Variants in SLC9A9 observed in about 807,000 individuals in gnomAD.
The protein encoded by SLC9A9 is solute carrier family 9 member A9.
SLC9A9 carries 62 observed loss-of-function variants against 77.8 expected under a neutral mutation model. The observed-to-expected ratio is 0.80, with a 90% CI of 0.65 to 0.98. SLC9A9 has a LOEUF of 0.98. Ranked by LOEUF, SLC9A9 falls within the 50% of genes least tolerant of loss-of-function variation. The pLI is 0.00. For missense variants in SLC9A9, 775 were observed against 774.9 expected (o/e 1.00, Z 0.00); for synonymous variants, 320 against 283.5 (o/e 1.13, Z -1.29).
At chr3:143,704,866 C>A (rs1271288804) in intron 4 of SLC9A9, among the ~76,000 whole-genome samples, 3 of 152,018 alleles carry the variant, frequency 2.0e-5, no homozygotes, top group African/African-American at 7.2e-5. Flanking sequence ...GTGGTACATG[C>A]CTGTAATCCC....
intron 9 of SLC9A9, among the ~76,000 whole-genome samples, chr3:143,538,223 A>G (rs2036626359): frequency 6.6e-6 from 1 of 152,220 alleles, no homozygotes; most frequent in South Asian, 2.1e-4. Context: ...AAATCAGACT[A>G]TATTTTTTCC....
At chr3:143,817,082 T>G (rs1170378039) in intron 2 of SLC9A9, among the ~76,000 whole-genome samples, 1 of 152,152 alleles carries the variant, frequency 6.6e-6, no homozygotes, top group East Asian at 1.9e-4. Context: ...CTTAAGCTTT[T>G]AGACTTTGAC....
chr3:143,321,185 T>C (rs1259262532), intron 14 of SLC9A9, among the ~76,000 whole-genome samples: 1 of 152,180 alleles, frequency 6.6e-6, no homozygotes, highest in Non-Finnish European at 1.5e-5. Context: ...CCTAGGAAAC[T>C]AATGCCTGAA....
chr3:143,519,444 T>G lies in SLC9A9; in HGVS notation c.1090-23996A>C, dbSNP rs572198219. Among the ~76,000 whole-genome samples the G allele has an allele frequency of 8.7e-4, 132 of 152,212 alleles. 1 individual carries two copies. The highest frequency in any genetic ancestry group is 3.1e-3 in the African/African-American group (127 of 41,528). Reference sequence around the variant, plus strand: ...AGAAAGGTTGGAGCAAGAAGTAGAATGGAAGAAGAGGAGATAAGTGTGGGA... The same window carrying G: ...AGAAAGGTTGGAGCAAGAAGTAGAAGGGAAGAAGAGGAGATAAGTGTGGGA... On this transcript the variant is annotated intron_variant, in intron 9 of 15. Coordinates refer to ENST00000316549, the MANE Select transcript of SLC9A9 (RefSeq NM_173653.4).
rs1032594363 is a variant in SLC9A9, at chr3:143,660,558, A to G, written c.650-8198T>C. Among the ~76,000 whole-genome samples the G allele has an allele frequency of 3.3e-5, 5 of 152,280 alleles. 1 individual carries two copies. The South Asian group carries it at 1.0e-3, about 32-fold the overall frequency. ...CTGATCTAAGAACCCAATTGAACCAACCTGGACTTCTGACCTATGGAACTG... is the reference window on the plus strand; with the variant it reads ...CTGATCTAAGAACCCAATTGAACCAGCCTGGACTTCTGACCTATGGAACTG... On this transcript the variant is annotated intron_variant, in intron 5 of 15. Transcript: ENST00000316549.
At chr3:143,344,399 CTG>C (rs1393972507) in intron 14 of SLC9A9, 3 of 152,134 alleles carry the variant, frequency 2.0e-5, no homozygotes, top group African/African-American at 7.2e-5. Flanking sequence ...CATTCCAACT[CTG>C]TATTACTCTC....
chr3:143,503,872 A>G, intron 9 of SLC9A9: 1 of 356,966 alleles, frequency 2.8e-6, no homozygotes, highest in Non-Finnish European at 5.5e-6. Context: ...CATGATTTAC[A>G]TCCATCATGA....
chr3:143,493,850 C>T (rs2035790581), intron 10 of SLC9A9, 86 bp from the exon 11 acceptor site: 1 of 996,362 alleles, frequency 1.0e-6, no homozygotes, highest in Non-Finnish European at 1.6e-6. Flanking sequence ...TGTCCTCAAG[C>T]TTCTCTTCAT....
intron 2 of SLC9A9, among the ~76,000 whole-genome samples, chr3:143,820,155 G>C (rs2009129828): frequency 2.0e-5 from 3 of 152,210 alleles, no homozygotes; most frequent in Admixed American, 2.0e-4. Flanking sequence ...GCATAGGATG[G>C]TTAATTATCT....
At chr3:143,530,995 CACA>C (rs1193136106) in intron 9 of SLC9A9, among the ~76,000 whole-genome samples, 1 of 152,176 alleles carries the variant, frequency 6.6e-6, no homozygotes, top group African/African-American at 2.4e-5. Flanking sequence ...TCAGAAAAAA[CACA>C]ACAAAATAAC....
At chr3:143,288,296 A>C (rs1426018083) in intron 14 of SLC9A9, among the ~76,000 whole-genome samples, 1 of 152,050 alleles carries the variant, frequency 6.6e-6, no homozygotes, top group Non-Finnish European at 1.5e-5. Flanking sequence ...AGAACATATC[A>C]CATTATAAAA....
At chr3:143,545,466 T>C (rs2036771703) in intron 9 of SLC9A9, among the ~76,000 whole-genome samples, 2 of 152,240 alleles carry the variant, frequency 1.3e-5, no homozygotes, top group African/African-American at 4.8e-5. Context: ...AAGAACCACG[T>C]GGTATTTGCC....
Position 143,291,846 on chromosome 3 carries a change from T to C in SLC9A9, c.1605-22866A>G, listed in dbSNP as rs2029990605. On this transcript the variant is annotated intron_variant, in intron 14 of 15. Transcript: ENST00000316549. ...ATTTCCTCCTTTTCCAATGTCCCTT[T>C]TCTGTTTTAAAAAGAGGAGCAAAGT... 4.6e-5 allele frequency among the ~76,000 whole-genome samples: 7 copies of C among 152,214 alleles called. No homozygotes were observed. The South Asian group carries it at 1.4e-3, about 32-fold the overall frequency.
At chr3:143,633,012 T>C (rs1011208038) in intron 6 of SLC9A9, among the ~76,000 whole-genome samples, 1 of 152,262 alleles carries the variant, frequency 6.6e-6, no homozygotes, top group African/African-American at 2.4e-5. Context: ...CCTAGAGTTT[T>C]ACTCTCATCA....
chr3:143,841,754 C>CTTTTCTTTTTTTTCTT (rs55981223), intron 1 of SLC9A9, among the ~76,000 whole-genome samples: 1 of 149,314 alleles, frequency 6.7e-6, no homozygotes, highest in East Asian at 2.0e-4. Flanking sequence ...TATAGAGGCT[C>CTTTTCTTTTTTTTCTT]TTTTCTTTAT....
chr3:143,795,168 C>G, intron 3 of SLC9A9, 91 bp from the exon 4 acceptor site: 2 of 1,256,372 alleles, frequency 1.6e-6, no homozygotes, highest in Non-Finnish European at 2.2e-6. Flanking sequence ...GTTCACAGAC[C>G]CCTCACTGTT....
In SLC9A9 at chr3:143,623,059, G is replaced by A. The variant is rs551423802; in HGVS notation, c.755+29196C>T. On this transcript the variant is annotated intron_variant, in intron 6 of 15. Transcript: ENST00000316549. Reference sequence around the variant, plus strand: ...TAAAGAGATCAATTCAACAAGAAGAGCTAACTATCCTAAATATATGTGCAC... The same window carrying A: ...TAAAGAGATCAATTCAACAAGAAGAACTAACTATCCTAAATATATGTGCAC... Among the ~76,000 whole-genome samples, 4 of 152,186 alleles carry A rather than the reference G, an allele frequency of 2.6e-5. No individual in the cohort carries two copies. In the East Asian group the frequency reaches 7.7e-4, roughly 29 times the overall value.
intron 14 of SLC9A9, among the ~76,000 whole-genome samples, chr3:143,356,995 C>A (rs2032611675): frequency 6.6e-6 from 1 of 152,116 alleles, no homozygotes; most frequent in South Asian, 2.1e-4. Flanking sequence ...TGCATTGCAG[C>A]CCAATGCAAG....
At chr3:143,401,032 T>G (rs527972965) in intron 12 of SLC9A9, among the ~76,000 whole-genome samples, 1 of 152,286 alleles carries the variant, frequency 6.6e-6, no homozygotes, top group Admixed American at 6.5e-5. Context: ...CTACATCTAC[T>G]CTACCCCCTT....
Sources: gnomAD v4.1 joint callset for allele counts (sites outside exome capture counted in the v4.1 genomes callset) on GRCh38, gnomAD v4.1.1 for gene constraint, MANE v1.5 for transcripts, NCBI Gene and HGNC (gene_info 2026-07-23, HGNC 2026-07-21) for gene names.